The following DOK5 variants were observed in gnomAD, a reference collection of about 807,000 sequenced individuals.
DOK5 encodes the protein downstream of tyrosine kinase 5.
A neutral mutation model predicts 43.3 loss-of-function variants in DOK5; 27 were observed. The ratio of observed to expected loss-of-function variants is 0.62; its 90% CI spans 0.46 to 0.86. DOK5 has a LOEUF of 0.86. DOK5 is among the 40% of genes least tolerant of loss of function. DOK5 has a pLI of 0.00. For synonymous variants in DOK5, 146 were observed against 140.1 expected (o/e 1.04, Z -0.30); for missense variants, 373 against 392.9 (o/e 0.95, Z 0.43).
At chr20:54,604,979 G>A (rs1440100813) in intron 5 of DOK5, among the ~76,000 whole-genome samples, 1 of 147,952 alleles carries the variant, frequency 6.8e-6, no homozygotes, top group Non-Finnish European at 1.5e-5. Context: ...TCCAGCCTGG[G>A]CAACAGAGCA....
chr20:54,543,490 G>T (rs1041735642), intron 1 of DOK5, among the ~76,000 whole-genome samples: 1 of 151,756 alleles, frequency 6.6e-6, no homozygotes, highest in Non-Finnish European at 1.5e-5. Flanking sequence ...AAAGGTACTT[G>T]CTACAGAAAG....
At chr20:54,630,751 G>A (rs921010502) in intron 6 of DOK5, among the ~76,000 whole-genome samples, 1 of 152,158 alleles carries the variant, frequency 6.6e-6, no homozygotes. Flanking sequence ...ACTTCTCTGT[G>A]TAAGAATAAA....
chr20:54,502,772 C>G (rs1455052799), intron 1 of DOK5, among the ~76,000 whole-genome samples: 1 of 152,038 alleles, frequency 6.6e-6, no homozygotes, highest in East Asian at 1.9e-4. Context: ...GGCCACATTT[C>G]TTTTTTATTC....
At position 54,628,514 on chromosome 20, in the gene DOK5, C is replaced by A. The variant is rs117062900; in HGVS notation, c.736-14944C>A. ...AGCAGATGGAGGAAAGAGGAGGAAC[C>A]AGAACTGATGCACAGGACTCTGTCT... On this transcript the variant is annotated intron_variant, in intron 6 of 7. Transcript: ENST00000262593. Among the ~76,000 whole-genome samples, 234 of 144,346 alleles carry A rather than the reference C, an allele frequency of 1.6e-3. 1 individual carries two copies. The highest frequency in any genetic ancestry group is 3.1e-3 in the Non-Finnish European group (210 of 66,940). The allele number at this position is 144,346 out of a possible 152,430, so 94.7% of individuals were successfully genotyped here.
chr20:54,611,564 AT>A (rs1986651838), intron 6 of DOK5, among the ~76,000 whole-genome samples: 2 of 151,242 alleles, frequency 1.3e-5, no homozygotes, highest in African/African-American at 4.8e-5. Context: ...CTGCCTAAAA[AT>A]TTAAAAAAAA....
chr20:54,536,436 T>C (rs2146711399), intron 1 of DOK5, among the ~76,000 whole-genome samples: 1 of 152,310 alleles, frequency 6.6e-6, no homozygotes, highest in East Asian at 1.9e-4. Flanking sequence ...GAACAGTGAG[T>C]AGGTGTGCCT....
At chr20:54,528,024 T>A (rs1983636087) in intron 1 of DOK5, among the ~76,000 whole-genome samples, 1 of 152,186 alleles carries the variant, frequency 6.6e-6, no homozygotes, top group African/African-American at 2.4e-5. Context: ...CTGACCAACA[T>A]GGTGAAACCC....
intron 1 of DOK5, among the ~76,000 whole-genome samples, chr20:54,498,608 A>G (rs1351372572): frequency 6.6e-6 from 1 of 152,182 alleles, no homozygotes; most frequent in African/African-American, 2.4e-5. Flanking sequence ...GTTTACTTTT[A>G]ATTTTTGTCA....
chr20:54,554,350 C>A (rs1984637012), intron 1 of DOK5, among the ~76,000 whole-genome samples: 1 of 152,224 alleles, frequency 6.6e-6, no homozygotes, highest in African/African-American at 2.4e-5. Context: ...AACCTACCAG[C>A]ATTGACCTTT....
chr20:54,646,539 C>T (rs1222438257), intron 7 of DOK5, among the ~76,000 whole-genome samples: 1 of 152,028 alleles, frequency 6.6e-6, no homozygotes, highest in Admixed American at 6.6e-5. Context: ...AGATATCAGC[C>T]ACTGCACCCA....
Position 54,579,358 on chromosome 20 carries a change from T to TTG in DOK5, c.175-9109_175-9108dup, listed in dbSNP as rs151204252. 1.7e-4 allele frequency among the ~76,000 whole-genome samples: 25 copies of TTG among 150,844 alleles called. No individual in the cohort carries two copies. In the East Asian group the frequency reaches 1.7e-3, roughly 11 times the overall value. On this transcript the variant is annotated intron_variant, in intron 2 of 7. Transcript: ENST00000262593. ...TGCTGCCTAAAAGTTGTGTGTGTGC[T>TTG]TGTGTGTGTGTGTGTGTTGGCAGGG...
At chr20:54,615,885 G>C (rs931757744) in intron 6 of DOK5, among the ~76,000 whole-genome samples, 2 of 145,330 alleles carry the variant, frequency 1.4e-5, no homozygotes, top group African/African-American at 5.4e-5. Flanking sequence ...TGGTGACAGA[G>C]CGAGACTCCA....
At chr20:54,484,070 G>T (rs1981829837) in intron 1 of DOK5, among the ~76,000 whole-genome samples, 1 of 152,082 alleles carries the variant, frequency 6.6e-6, no homozygotes, top group Admixed American at 6.6e-5. Flanking sequence ...CTTTCCACCT[G>T]CTATGCCTTC....
intron 6 of DOK5, among the ~76,000 whole-genome samples, chr20:54,610,909 G>A (rs888534082): frequency 6.6e-6 from 1 of 152,290 alleles, no homozygotes; most frequent in Admixed American, 6.5e-5. Context: ...GAGGGAAACT[G>A]GAGTGAAATG....
chr20:54,648,965 T>C lies in DOK5; in HGVS notation c.857-1450T>C, dbSNP rs73280962. On this transcript the variant is annotated intron_variant, in intron 7 of 7. Coordinates refer to ENST00000262593, the MANE Select transcript of DOK5 (RefSeq NM_018431.5). Reference sequence around the variant, plus strand: ...TGTTTTCCGAACTCTTCTGTGGGAATTGCCTTGGAAGATAGCATCACTGTT... The same window carrying C: ...TGTTTTCCGAACTCTTCTGTGGGAACTGCCTTGGAAGATAGCATCACTGTT... Among the ~76,000 whole-genome samples, 617 of 152,300 alleles carry C rather than the reference T, an allele frequency of 4.1e-3. 8 individuals carry two copies. Among genetic ancestry groups the C allele is most frequent in the African/African-American group, 0.014 (592 of 41,554 alleles).
chr20:54,626,247 G>A (rs990522215), intron 6 of DOK5, among the ~76,000 whole-genome samples: 1 of 152,178 alleles, frequency 6.6e-6, no homozygotes, highest in Non-Finnish European at 1.5e-5. Context: ...AGAATTCATC[G>A]AAAGGGGTGA....
intron 1 of DOK5, among the ~76,000 whole-genome samples, chr20:54,539,231 A>G (rs1984058328): frequency 7.0e-6 from 1 of 142,168 alleles, no homozygotes; most frequent in Non-Finnish European, 1.5e-5. Context: ...CAGAGGTGAG[A>G]TCGCACCCCT....
At chr20:54,590,118 C>G (rs950902556) in intron 4 of DOK5, among the ~76,000 whole-genome samples, 2 of 152,166 alleles carry the variant, frequency 1.3e-5, no homozygotes, top group African/African-American at 4.8e-5. Context: ...TTTGGGGAAG[C>G]AGTATCCTGA....
At chr20:54,533,432 CA>C (rs1600685123) in intron 1 of DOK5, among the ~76,000 whole-genome samples, 1 of 152,290 alleles carries the variant, frequency 6.6e-6, no homozygotes, top group East Asian at 1.9e-4. Context: ...CATTTCACAG[CA>C]TTTCAATAAT....
Sources: allele counts gnomAD v4.1 joint callset (sites outside exome capture counted in the v4.1 genomes callset), GRCh38; gene constraint gnomAD v4.1.1; transcripts MANE v1.5; gene names NCBI Gene and HGNC (gene_info 2026-07-23, HGNC 2026-07-21).